Variants in PTPRT observed in about 807,000 individuals in gnomAD.
The protein encoded by PTPRT is protein tyrosine phosphatase receptor type T, also known as receptor-type tyrosine-protein phosphatase T.
PTPRT carries 56 observed loss-of-function variants against 176.8 expected under a neutral mutation model. The ratio of observed to expected loss-of-function variants is 0.32; its 90% CI spans 0.26 to 0.40. PTPRT has a LOEUF of 0.40. PTPRT is among the 10% of genes least tolerant of loss of function. The pLI, the probability that PTPRT is intolerant of heterozygous loss-of-function variation, is 1.00. For synonymous variants in PTPRT, 783 were observed against 739.0 expected (o/e 1.06, Z -0.96); for missense variants, 1,540 against 1,908.2 (o/e 0.81, Z 3.60).
At chr20:42,259,268 T>G (rs1254656168) in intron 13 of PTPRT, among the ~76,000 whole-genome samples, 1 of 152,212 alleles carries the variant, frequency 6.6e-6, no homozygotes, top group African/African-American at 2.4e-5. Flanking sequence ...GAGACTCTGA[T>G]AGAGAACGTC....
chr20:42,161,260 G>A, intron 17 of PTPRT, 92 bp downstream of exon 17: 2 of 1,451,852 alleles, frequency 1.4e-6, no homozygotes, highest in Middle Eastern at 3.5e-4. Flanking sequence ...TGAGGCTGCT[G>A]GCCAGGGAGC....
At chr20:43,066,796 G>C (rs1490962921) in intron 1 of PTPRT, among the ~76,000 whole-genome samples, 1 of 152,194 alleles carries the variant, frequency 6.6e-6, no homozygotes, top group African/African-American at 2.4e-5. Context: ...CAAACTTGAT[G>C]GGTCAAATCT....
At chr20:43,156,913 G>C (rs2014537923) in intron 1 of PTPRT, among the ~76,000 whole-genome samples, 1 of 152,168 alleles carries the variant, frequency 6.6e-6, no homozygotes, top group African/African-American at 2.4e-5. Flanking sequence ...TCAGCTCCTT[G>C]GTCAGGGTTC....
intron 2 of PTPRT, among the ~76,000 whole-genome samples, chr20:42,814,788 T>A (rs2077755336): frequency 6.6e-6 from 1 of 152,190 alleles, no homozygotes. Context: ...TTTATTCACT[T>A]CTCAGAAGGA....
intron 7 of PTPRT, among the ~76,000 whole-genome samples, chr20:42,496,695 C>A (rs916242090): frequency 6.7e-6 from 1 of 149,888 alleles, no homozygotes; most frequent in African/African-American, 2.5e-5. Flanking sequence ...TTGATTGCTT[C>A]GGTCATAAAT....
At chr20:42,039,590 T>C in the PTPRT span, among the ~76,000 whole-genome samples, 3 of 151,558 alleles carry the variant, frequency 2.0e-5, no homozygotes, top group Non-Finnish European at 4.4e-5. Flanking sequence ...GTATTCATCT[T>C]TCTGTGCCTG....
chr20:42,355,114 G>T (rs2058340751), intron 9 of PTPRT, among the ~76,000 whole-genome samples: 1 of 152,130 alleles, frequency 6.6e-6, no homozygotes, highest in South Asian at 2.1e-4. Flanking sequence ...CTCCATGGGT[G>T]CTTGCTGGGA....
chr20:43,097,788 C>T (rs2012227900), intron 1 of PTPRT, among the ~76,000 whole-genome samples: 1 of 152,198 alleles, frequency 6.6e-6, no homozygotes, highest in Admixed American at 6.5e-5. Context: ...CAGACAGTGA[C>T]AGGATAGCTG....
chr20:43,104,292 C>A (rs1464912185), intron 1 of PTPRT, among the ~76,000 whole-genome samples: 3 of 152,100 alleles, frequency 2.0e-5, no homozygotes, highest in Non-Finnish European at 4.4e-5. Flanking sequence ...AAATGGAACC[C>A]ATTTCTGCCC....
intron 7 of PTPRT, among the ~76,000 whole-genome samples, chr20:42,511,118 A>G (rs6093667): frequency 0.019 from 2,817 of 152,256 alleles, 101 homozygotes; most frequent in African/African-American, 0.065. Flanking sequence ...ATGATGCTCC[A>G]TGCTGCCTTG....
At chr20:42,685,676 A>G (rs1374989908) in intron 6 of PTPRT, 5 of 152,202 alleles carry the variant, frequency 3.3e-5, no homozygotes, top group Non-Finnish European at 5.9e-5. Flanking sequence ...AGCTTAAAAC[A>G]TCTAGATTTA....
intron 13 of PTPRT, among the ~76,000 whole-genome samples, chr20:42,279,372 C>T (rs573042816): frequency 2.3e-4 from 35 of 152,016 alleles, no homozygotes; most frequent in Non-Finnish European, 1.9e-4. Flanking sequence ...ATCAGGGTGG[C>T]GCTTCCAAAA....
intron 15 of PTPRT, among the ~76,000 whole-genome samples, chr20:42,206,330 G>A (rs987257339): frequency 1.2e-4 from 18 of 152,238 alleles, no homozygotes; most frequent in Non-Finnish European, 1.9e-4. Flanking sequence ...CAGCGTGAGC[G>A]ACGCAGAAGA....
chr20:42,665,918 G>A (rs1174717055), intron 7 of PTPRT, among the ~76,000 whole-genome samples: 1 of 140,238 alleles, frequency 7.1e-6, no homozygotes, highest in African/African-American at 2.7e-5. Context: ...ACAGGAGGGG[G>A]AACATCACAC....
Position 43,084,550 on chromosome 20 carries a change from C to T in PTPRT, c.88+105096G>A, listed in dbSNP as rs142552834. Among the ~76,000 whole-genome samples the T allele has an allele frequency of 1.4e-3, 220 of 152,312 alleles. 3 individuals carry two copies. In the East Asian group the frequency reaches 0.033, roughly 23 times the overall value. ...GGAAACCGCCCCCATGATCCAATCA[C>T]CTGCCACCAGGTCCCTCCCTCAACA... is the stretch of plus-strand genomic sequence containing the variant. On this transcript the variant is annotated intron_variant, in intron 1 of 30. Transcript: ENST00000373187.
At chr20:42,882,347 A>C (rs2079023500) in intron 2 of PTPRT, among the ~76,000 whole-genome samples, 1 of 152,198 alleles carries the variant, frequency 6.6e-6, no homozygotes, top group African/African-American at 2.4e-5. Flanking sequence ...AAAGCCCAGA[A>C]GATTGTATTA....
chr20:43,105,243 C>T (rs1037352878), intron 1 of PTPRT, among the ~76,000 whole-genome samples: 1 of 152,106 alleles, frequency 6.6e-6, no homozygotes, highest in African/African-American at 2.4e-5. Flanking sequence ...GTTTACAAAC[C>T]CTTTAGGTGA....
At position 42,963,361 on chromosome 20, in the gene PTPRT, A is replaced by G. The variant is rs1381323222; in HGVS notation, c.89-77429T>C. On this transcript the variant is annotated intron_variant, in intron 1 of 30. Coordinates refer to ENST00000373187, the MANE Select transcript of PTPRT (RefSeq NM_007050.6). ...CACTGCACTCCAGCCTGGGCGACAGACCCAGATTCTAGATTTGGTCTCAAA... is the reference window on the plus strand; with the variant it reads ...CACTGCACTCCAGCCTGGGCGACAGGCCCAGATTCTAGATTTGGTCTCAAA... 4.0e-4 allele frequency among the ~76,000 whole-genome samples: 61 copies of G among 151,904 alleles called. 1 individual carries two copies. The highest frequency in any genetic ancestry group is 1.5e-5 in the Non-Finnish European group (1 of 67,980).
chr20:42,177,340 T>G (rs1246069278), intron 16 of PTPRT, among the ~76,000 whole-genome samples: 6 of 152,228 alleles, frequency 3.9e-5, no homozygotes, highest in African/African-American at 1.4e-4. Flanking sequence ...GGAATTTCTC[T>G]TAAAAAAGCA....
Sources: allele counts gnomAD v4.1 joint callset (sites outside exome capture counted in the v4.1 genomes callset), GRCh38; gene constraint gnomAD v4.1.1; transcripts MANE v1.5; gene names NCBI Gene and HGNC (gene_info 2026-07-23, HGNC 2026-07-21).